MALRD1: variants seen among roughly 807,000 people sequenced by gnomAD.
MALRD1 encodes the protein MAM and LDL receptor class A domain containing 1.
MALRD1 carries 247 observed loss-of-function variants against 242.1 expected under a neutral mutation model. That is an observed-to-expected ratio of 1.02 (90% confidence interval 0.92 to 1.13). MALRD1 has a LOEUF of 1.13. Among genes scored for constraint, MALRD1 ranks in the 50% most tolerant of loss-of-function variants. The pLI is 0.00. For missense variants in MALRD1, 2,989 were observed against 2,533.1 expected, an observed-to-expected ratio of 1.18 and a Z score of -3.86; for synonymous variants, 995 against 866.6, an observed-to-expected ratio of 1.15 and a Z score of -2.60.
chr10:19,410,577 T>C (rs144104411), intron 28 of MALRD1, among the ~76,000 whole-genome samples: 24 of 152,218 alleles, frequency 1.6e-4, no homozygotes, highest in Non-Finnish European at 2.6e-4. Flanking sequence ...ATAACCTTGA[T>C]AATGGACGCT....
intron 29 of MALRD1, chr10:19,489,385 A>T (rs1837382481): frequency 1.8e-6 from 1 of 550,044 alleles, no homozygotes; most frequent in South Asian, 1.4e-5. Context: ...CAGGAGAGAA[A>T]GTAGCCAAGT....
chr10:19,637,148 A>G (rs1197038319), intron 36 of MALRD1, among the ~76,000 whole-genome samples: 1 of 152,140 alleles, frequency 6.6e-6, no homozygotes, highest in Non-Finnish European at 1.5e-5. Flanking sequence ...TTTAATGTGA[A>G]ATATACATTT....
intron 20 of MALRD1, among the ~76,000 whole-genome samples, chr10:19,280,460 G>A (rs550835378): frequency 6.6e-6 from 1 of 152,210 alleles, no homozygotes; most frequent in East Asian, 1.9e-4. Context: ...CAAAACTATC[G>A]TTTTCACAAA....
At chr10:19,428,355 C>T (rs1218875488) in intron 28 of MALRD1, among the ~76,000 whole-genome samples, 4 of 152,078 alleles carry the variant, frequency 2.6e-5, no homozygotes, top group African/African-American at 9.7e-5. Context: ...AAGTCTTCTT[C>T]ACCTGAAATT....
chr10:19,087,533 C>T (rs191418242), intron 2 of MALRD1, among the ~76,000 whole-genome samples: 35 of 136,188 alleles, frequency 2.6e-4, no homozygotes, highest in African/African-American at 1.0e-3. Flanking sequence ...GAATCTAACA[C>T]GTTGTCTCGT....
intron 19 of MALRD1, among the ~76,000 whole-genome samples, chr10:19,258,973 T>C (rs1839635966): frequency 6.6e-6 from 1 of 152,088 alleles, no homozygotes; most frequent in African/African-American, 2.4e-5. Flanking sequence ...GTACCCACCC[T>C]CATTGCCCTC....
chr10:19,627,058 C>G (rs186470138), intron 36 of MALRD1, among the ~76,000 whole-genome samples: 115 of 152,034 alleles, frequency 7.6e-4, no homozygotes, highest in African/African-American at 2.7e-3. Flanking sequence ...ACGTGGTTAC[C>G]TAAAATTAGT....
intron 18 of MALRD1, among the ~76,000 whole-genome samples, chr10:19,235,171 G>A (rs1169582660): frequency 6.6e-6 from 1 of 152,158 alleles, no homozygotes; most frequent in Non-Finnish European, 1.5e-5. Flanking sequence ...GATCAGAACA[G>A]TCCTTTAGAT....
chr10:19,379,529 TTTC>T (rs1845750466), intron 26 of MALRD1, among the ~76,000 whole-genome samples: 1 of 152,190 alleles, frequency 6.6e-6, no homozygotes, highest in African/African-American at 2.4e-5. Context: ...ACTGTTGTTA[TTTC>T]TTCTTTGACT....
chr10:19,236,194 C>G (rs1838309539), intron 18 of MALRD1, among the ~76,000 whole-genome samples: 1 of 152,182 alleles, frequency 6.6e-6, no homozygotes, highest in Non-Finnish European at 1.5e-5. Context: ...GCTTTTCACT[C>G]TCTTAGCCCC....
At chr10:19,190,655 GTGAT>G (rs1291825149) in intron 14 of MALRD1, among the ~76,000 whole-genome samples, 1 of 77,250 alleles carries the variant, frequency 1.3e-5, no homozygotes, top group Non-Finnish European at 2.5e-5. Flanking sequence ...ATATGAACAA[GTGAT>G]TTTTTTTTTT....
chr10:19,071,633 G>A (rs865869024), intron 2 of MALRD1, among the ~76,000 whole-genome samples: 2 of 152,070 alleles, frequency 1.3e-5, no homozygotes, highest in Non-Finnish European at 2.9e-5. Flanking sequence ...TCCCAGCTGA[G>A]TGAACACCAG....
At chr10:19,518,935 G>T (rs1260133803) in intron 31 of MALRD1, among the ~76,000 whole-genome samples, 1 of 152,124 alleles carries the variant, frequency 6.6e-6, no homozygotes, top group Non-Finnish European at 1.5e-5. Context: ...CTTTTACAAT[G>T]AATTAGACAG....
chr10:19,439,460 C>G (rs1014430627), intron 28 of MALRD1, among the ~76,000 whole-genome samples: 8 of 151,996 alleles, frequency 5.3e-5, no homozygotes, highest in African/African-American at 1.9e-4. Flanking sequence ...TCACTTATGC[C>G]TGGGAGGTCA....
At chr10:19,075,301 A>G (rs1835283587) in intron 2 of MALRD1, among the ~76,000 whole-genome samples, 1 of 152,066 alleles carries the variant, frequency 6.6e-6, no homozygotes, top group Non-Finnish European at 1.5e-5. Flanking sequence ...CACAGCTATG[A>G]AGAGATTTTG....
chr10:19,446,873 C>G (rs1835012730), intron 28 of MALRD1, among the ~76,000 whole-genome samples: 1 of 151,986 alleles, frequency 6.6e-6, no homozygotes, highest in Admixed American at 6.6e-5. Flanking sequence ...GGGAAAAGTC[C>G]CTCAGCAGTG....
At chr10:19,102,866 T>TTC (rs1836319012) in intron 4 of MALRD1, among the ~76,000 whole-genome samples, 1 of 152,026 alleles carries the variant, frequency 6.6e-6, no homozygotes, top group Non-Finnish European at 1.5e-5. Context: ...TCTTTTTTTT[T>TTC]GAGAACAAGT....
At chr10:19,207,097 C>A (rs964579764) in intron 17 of MALRD1, among the ~76,000 whole-genome samples, 1 of 152,124 alleles carries the variant, frequency 6.6e-6, no homozygotes, top group African/African-American at 2.4e-5. Context: ...TATTCACATA[C>A]CCTTTTATTT....
intron 21 of MALRD1, among the ~76,000 whole-genome samples, chr10:19,310,571 T>C (rs1339032671): frequency 4.0e-5 from 6 of 151,572 alleles, no homozygotes; most frequent in Non-Finnish European, 7.4e-5. Flanking sequence ...ATTCTTTAGT[T>C]TAAGAAAACC....
Sources: allele counts gnomAD v4.1 joint callset (sites outside exome capture counted in the v4.1 genomes callset), GRCh38; gene constraint gnomAD v4.1.1; transcripts MANE v1.5; gene names NCBI Gene and HGNC (gene_info 2026-07-23, HGNC 2026-07-21).